The following RORA variants were observed in gnomAD, a reference collection of about 807,000 sequenced individuals.
RORA encodes nuclear receptor ROR-alpha.
In RORA, 7 loss-of-function variants were observed where a neutral mutation model predicts 69.5. The observed-to-expected ratio is 0.10, with a 90% CI of 0.06 to 0.19. The LOEUF is 0.19. Among genes scored for constraint, RORA ranks in the 10% least tolerant of loss-of-function variants. The pLI is 1.00. For missense variants in RORA, 457 were observed against 663.0 expected (o/e 0.69, Z 3.41); for synonymous variants, 261 against 240.8 (o/e 1.08, Z -0.78).
intron 2 of RORA, among the ~76,000 whole-genome samples, chr15:60,563,840 TAC>T (rs1281158889): frequency 3.9e-5 from 6 of 152,238 alleles, no homozygotes; most frequent in Non-Finnish European, 4.4e-5. Context: ...TTACAGCAAG[TAC>T]ACACACAGGT....
At chr15:60,551,065 C>A (rs1012888459) in intron 2 of RORA, among the ~76,000 whole-genome samples, 7 of 151,864 alleles carry the variant, frequency 4.6e-5, no homozygotes, top group African/African-American at 1.7e-4. Flanking sequence ...TTCCATAAGG[C>A]GATTTCACAG....
chr15:60,821,255 T>C (rs2072889575), intron 1 of RORA, among the ~76,000 whole-genome samples: 1 of 152,122 alleles, frequency 6.6e-6, no homozygotes, highest in African/African-American at 2.4e-5. Context: ...CCCCTTGCCA[T>C]AGCCTCTTTC....
intron 2 of RORA, among the ~76,000 whole-genome samples, chr15:60,542,487 TCA>T (rs1236404554): frequency 8.0e-6 from 1 of 125,282 alleles, no homozygotes; most frequent in East Asian, 2.3e-4. Context: ...CAGGCGCACC[TCA>T]CACGGCACAC....
chr15:60,763,706 C>T (rs2071935276), intron 1 of RORA, among the ~76,000 whole-genome samples: 1 of 152,170 alleles, frequency 6.6e-6, no homozygotes. Context: ...AGATGTTTGC[C>T]ATAGACTACG....
At chr15:61,192,812 G>A (rs2079812760) in intron 1 of RORA, among the ~76,000 whole-genome samples, 1 of 152,174 alleles carries the variant, frequency 6.6e-6, no homozygotes, top group South Asian at 2.1e-4. Flanking sequence ...GTTCCAGTGA[G>A]ACCCTTAACA....
At chr15:61,194,030 T>C (rs1021773147) in intron 1 of RORA, 13 of 152,216 alleles carry the variant, frequency 8.5e-5, no homozygotes, top group African/African-American at 3.1e-4. Flanking sequence ...CACTCTCTCT[T>C]GCAGCAGGGC....
intron 1 of RORA, among the ~76,000 whole-genome samples, chr15:61,164,875 C>A (rs185138107): frequency 1.8e-4 from 27 of 152,246 alleles, no homozygotes; most frequent in Admixed American, 1.8e-3. Flanking sequence ...TTCCAAGAAG[C>A]ACCACAAAAT....
At chr15:60,595,059 C>T (rs139464218) in intron 2 of RORA, among the ~76,000 whole-genome samples, 1,930 of 151,376 alleles carry the variant, frequency 0.013, 20 homozygotes, top group Middle Eastern at 0.034. Context: ...ACTCAAAATG[C>T]ACATTTTCTA....
intron 1 of RORA, among the ~76,000 whole-genome samples, chr15:61,220,141 C>T (rs899414947): frequency 1.3e-5 from 2 of 152,222 alleles, no homozygotes; most frequent in African/African-American, 2.4e-5. Context: ...CAATTTCACA[C>T]TTGTCATCAT....
At chr15:60,611,558 G>GAAAAAA (rs1567122905) in intron 2 of RORA, among the ~76,000 whole-genome samples, 2 of 2,456 alleles carry the variant, frequency 8.1e-4, no homozygotes, top group African/African-American at 2.0e-3. Context: ...CTTGAGTTTT[G>GAAAAAA]CAAAAAAAAA....
chr15:60,685,380 A>C (rs1162443016), intron 1 of RORA, among the ~76,000 whole-genome samples: 4 of 152,244 alleles, frequency 2.6e-5, no homozygotes, highest in African/African-American at 9.6e-5. Flanking sequence ...ACACTAGCTA[A>C]GAAACGAGGC....
At chr15:60,529,238 T>G (rs983133688) in intron 3 of RORA, 1 of 152,240 alleles carries the variant, frequency 6.6e-6, no homozygotes. Flanking sequence ...TGTGAAATTT[T>G]TCTTATGTTT....
intron 1 of RORA, among the ~76,000 whole-genome samples, chr15:60,814,715 C>T (rs535015306): frequency 3.9e-5 from 6 of 152,172 alleles, no homozygotes; most frequent in African/African-American, 1.4e-4. Flanking sequence ...CCCCACCTTA[C>T]CTGGCTTTGT....
chr15:61,008,880 G>A (rs1282269325), intron 1 of RORA, among the ~76,000 whole-genome samples: 1 of 152,120 alleles, frequency 6.6e-6, no homozygotes, highest in Non-Finnish European at 1.5e-5. Context: ...TGCTGACTCT[G>A]ACCAAGGGCA....
intron 1 of RORA, among the ~76,000 whole-genome samples, chr15:61,100,436 AAAGTGTTCTCC>A (rs1226857024): frequency 1.3e-5 from 2 of 152,168 alleles, no homozygotes; most frequent in African/African-American, 4.8e-5. Context: ...GTCAATTTTT[AAAGTGTTCTCC>A]TAATTTATCA....
chr15:60,700,427 T>G (rs1596137507), intron 1 of RORA, among the ~76,000 whole-genome samples: 1 of 152,258 alleles, frequency 6.6e-6, no homozygotes, highest in East Asian at 1.9e-4. Flanking sequence ...GTGATGATGC[T>G]TAAGGGAAAT....
At chr15:61,041,564 C>G (rs1458726816) in intron 1 of RORA, among the ~76,000 whole-genome samples, 1 of 152,086 alleles carries the variant, frequency 6.6e-6, no homozygotes. Flanking sequence ...CATTTATTTA[C>G]TTTATTTATT....
rs1194434205 is a variant in RORA at position 61,047,826 on chromosome 15, T to TTTGCC, written c.166+181222_166+181226dup. Among the ~76,000 whole-genome samples the TTTGCC allele has an allele frequency of 2.0e-5, 3 of 152,196 alleles. No individual in the cohort carries two copies. In the East Asian group the frequency reaches 5.8e-4, roughly 29 times the overall value. Reference sequence around the variant, plus strand: ...AAGTGTGGTCCTCCGGCCATGACTTTTTGCCTTGGTTTTCCCAGCTATTAA... The same window carrying TTTGCC: ...AAGTGTGGTCCTCCGGCCATGACTTTTTGCCTTGCCTTGGTTTTCCCAGCTATTAA... On this transcript the variant is annotated intron_variant, in intron 1 of 10. Coordinates refer to ENST00000335670, the MANE Select transcript of RORA (RefSeq NM_134261.3).
chr15:60,813,641 G>GAT lies in RORA; in HGVS notation c.167-134956_167-134955insAT, dbSNP rs1180226859. ...AGCATACGTTGTGTGGCTGAACTTAGAGTCTAACTGGCCACAGTTGAGGGA... is the reference window on the plus strand; with the variant it reads ...AGCATACGTTGTGTGGCTGAACTTAGATAGTCTAACTGGCCACAGTTGAGGGA... On this transcript the variant is annotated intron_variant, in intron 1 of 10. Coordinates refer to ENST00000335670, the MANE Select transcript of RORA (RefSeq NM_134261.3). Among the ~76,000 whole-genome samples, 17 of 152,202 alleles carry GAT rather than the reference G, an allele frequency of 1.1e-4. No homozygotes were observed. The South Asian group carries it at 3.5e-3, about 32-fold the overall frequency.
Sources: gnomAD v4.1 joint callset for allele counts (sites outside exome capture counted in the v4.1 genomes callset) on GRCh38, gnomAD v4.1.1 for gene constraint, MANE v1.5 for transcripts, NCBI Gene and HGNC (gene_info 2026-07-23, HGNC 2026-07-21) for gene names.